Variants in TRABD2B observed in about 807,000 individuals in gnomAD.
TRABD2B encodes the protein TraB domain containing 2B, also known as metalloprotease TIKI2.
In TRABD2B, 14 loss-of-function variants were observed where a neutral mutation model predicts 40.1. The observed-to-expected ratio is 0.35, with a 90% CI of 0.23 to 0.55. TRABD2B has a LOEUF of 0.55. TRABD2B is among the 20% of genes least tolerant of loss of function. The pLI, the probability that TRABD2B is intolerant of heterozygous loss-of-function variation, is 0.90. For synonymous variants in TRABD2B, 263 were observed against 277.0 expected (o/e 0.95, Z 0.50); for missense variants, 541 against 648.6 (o/e 0.83, Z 1.80).
intron 2 of TRABD2B, among the ~76,000 whole-genome samples, chr1:47,908,753 A>G (rs1419683764): frequency 1.3e-5 from 2 of 152,348 alleles, no homozygotes; most frequent in East Asian, 1.9e-4. Flanking sequence ...TCTGGGAGGC[A>G]GCAGGCCATG....
At chr1:47,790,839 C>T (rs1049150703) in intron 4 of TRABD2B, among the ~76,000 whole-genome samples, 4 of 152,222 alleles carry the variant, frequency 2.6e-5, no homozygotes, top group African/African-American at 9.6e-5. Flanking sequence ...AGAACCCTTC[C>T]ACCATGGAAG....
chr1:47,956,498 C>G (rs1477958064), intron 2 of TRABD2B, among the ~76,000 whole-genome samples: 1 of 152,236 alleles, frequency 6.6e-6, no homozygotes, highest in African/African-American at 2.4e-5. Flanking sequence ...AATCGGGTCA[C>G]TCCTACCCTA....
chr1:47,931,112 T>A (rs1410916003), intron 2 of TRABD2B, among the ~76,000 whole-genome samples: 1 of 152,172 alleles, frequency 6.6e-6, no homozygotes, highest in East Asian at 1.9e-4. Context: ...TCCTGGCACA[T>A]AGAAGAGATC....
chr1:47,843,735 G>T (rs575316620), intron 2 of TRABD2B, among the ~76,000 whole-genome samples: 2 of 152,170 alleles, frequency 1.3e-5, no homozygotes, highest in African/African-American at 4.8e-5. Context: ...GGGGTGGCCC[G>T]AAATTCAAGT....
chr1:47,851,067 A>G (rs542436059), intron 2 of TRABD2B, among the ~76,000 whole-genome samples: 1 of 152,222 alleles, frequency 6.6e-6, no homozygotes, highest in Non-Finnish European at 1.5e-5. Context: ...CCTGGTTCCT[A>G]ACAGGCTATG....
chr1:47,944,182 A>G (rs1038976760), intron 2 of TRABD2B, among the ~76,000 whole-genome samples: 3 of 152,180 alleles, frequency 2.0e-5, no homozygotes. Context: ...ACAGAACATG[A>G]AATTCTCAGG....
At chr1:47,827,785 AC>A (rs1051423516) in intron 2 of TRABD2B, among the ~76,000 whole-genome samples, 11 of 147,362 alleles carry the variant, frequency 7.5e-5, no homozygotes, top group East Asian at 2.0e-4. Context: ...ACAATGAGGT[AC>A]CCCCCCTTAT....
chr1:47,987,158 G>A (rs960264961), intron 2 of TRABD2B, among the ~76,000 whole-genome samples: 4 of 152,202 alleles, frequency 2.6e-5, no homozygotes, highest in South Asian at 2.1e-4. Flanking sequence ...GTGCTTTGCC[G>A]GTCAGGTTTT....
At chr1:47,952,593 G>C (rs1483566584) in intron 2 of TRABD2B, among the ~76,000 whole-genome samples, 1 of 152,112 alleles carries the variant, frequency 6.6e-6, no homozygotes, top group African/African-American at 2.4e-5. Context: ...ACACTCGAAG[G>C]CCTCGAGCAC....
intron 2 of TRABD2B, among the ~76,000 whole-genome samples, chr1:47,841,781 T>C (rs528566876): frequency 7.6e-6 from 1 of 131,128 alleles, no homozygotes; most frequent in South Asian, 2.4e-4. Flanking sequence ...TTTTCTTTTC[T>C]TTTTCTTTTT....
chr1:47,971,273 A>G (rs1211751977), intron 2 of TRABD2B, among the ~76,000 whole-genome samples: 1 of 152,168 alleles, frequency 6.6e-6, no homozygotes. Flanking sequence ...AGTTTTGTAA[A>G]CCAAACAGAC....
chr1:47,907,915 C>T (rs1435233635), intron 2 of TRABD2B, among the ~76,000 whole-genome samples: 1 of 152,186 alleles, frequency 6.6e-6, no homozygotes, highest in African/African-American at 2.4e-5. Context: ...AGGTACCTGG[C>T]TGTGGGTGGA....
Position 47,963,070 on chromosome 1 carries a change from T to A in TRABD2B, c.666+30964A>T, listed in dbSNP as rs192183887. On this transcript the variant is annotated intron_variant, in intron 2 of 6. Coordinates refer to ENST00000606738, the MANE Select transcript of TRABD2B (RefSeq NM_001194986.2). ...CACTAAATATTAATTGTATGTGGGA[T>A]GCCATTAGATGCAGGGAGACCAACT... 7.5e-4 allele frequency among the ~76,000 whole-genome samples: 115 copies of A among 152,358 alleles called. 1 individual carries two copies. The highest frequency in any genetic ancestry group is 6.6e-3 in the South Asian group (32 of 4,824).
intron 2 of TRABD2B, among the ~76,000 whole-genome samples, chr1:47,891,917 C>T (rs1644451325): frequency 6.6e-6 from 1 of 151,956 alleles, no homozygotes; most frequent in Admixed American, 6.5e-5. Flanking sequence ...GTCAGTGGTC[C>T]AAGATGAGGT....
In TRABD2B at chr1:47,860,172, TCAC is replaced by T. The variant is rs773284584; in HGVS notation, c.667-58556_667-58554del. Among the ~76,000 whole-genome samples the T allele has an allele frequency of 7.4e-4, 112 of 152,304 alleles. 1 individual carries two copies. Among genetic ancestry groups the T allele is most frequent in the Non-Finnish European group, 1.3e-3 (88 of 68,014 alleles). ...GCTGGTTGATCTAAACCGACTCAAA[TCAC>T]CACCTGCACTCCTTCATTCCTGCTG... is the stretch of plus-strand genomic sequence containing the variant. On this transcript the variant is annotated intron_variant, in intron 2 of 6. Coordinates refer to ENST00000606738, the MANE Select transcript of TRABD2B (RefSeq NM_001194986.2).
chr1:47,864,224 G>A (rs1445701489), intron 2 of TRABD2B, among the ~76,000 whole-genome samples: 2 of 151,928 alleles, frequency 1.3e-5, no homozygotes, highest in Admixed American at 6.5e-5. Flanking sequence ...CACCAAGAGG[G>A]AACCCTAATG....
chr1:47,973,955 T>A (rs561382801), intron 2 of TRABD2B, among the ~76,000 whole-genome samples: 1 of 152,044 alleles, frequency 6.6e-6, no homozygotes, highest in Non-Finnish European at 1.5e-5. Context: ...AATACAAAAA[T>A]TAGCTGGGTG....
At position 47,863,372 on chromosome 1, in the gene TRABD2B, T is replaced by TTATTTATATATA. The variant is rs568340180; in HGVS notation, c.667-61754_667-61753insTATATATAAATA. Reference sequence around the variant, plus strand: ...ATAATTGGATATATCCTATATAATTTTATATATATATATATATATATAATC... The same window carrying TTATTTATATATA: ...ATAATTGGATATATCCTATATAATTTTATTTATATATATATATATATATATATATATATAATC... On this transcript the variant is annotated intron_variant, in intron 2 of 6. Transcript: ENST00000606738. Among the ~76,000 whole-genome samples, 5 of 66,496 alleles carry TTATTTATATATA rather than the reference T, an allele frequency of 7.5e-5. 1 individual carries two copies. The highest frequency in any genetic ancestry group is 2.6e-4 in the African/African-American group (5 of 19,016). 43.6% of individuals were successfully genotyped at this position (66,496 alleles called of 152,430 possible).
At chr1:47,962,304 T>C (rs1394782209) in intron 2 of TRABD2B, among the ~76,000 whole-genome samples, 1 of 152,158 alleles carries the variant, frequency 6.6e-6, no homozygotes, top group Non-Finnish European at 1.5e-5. Flanking sequence ...GTGGTACATG[T>C]ATACATATGT....
Sources: gnomAD v4.1 joint callset for allele counts (sites outside exome capture counted in the v4.1 genomes callset) on GRCh38, gnomAD v4.1.1 for gene constraint, MANE v1.5 for transcripts, NCBI Gene and HGNC (gene_info 2026-07-23, HGNC 2026-07-21) for gene names.